Variants in CBFA2T3 observed in about 807,000 individuals in gnomAD.
The protein encoded by CBFA2T3 is CBFA2/RUNX1 partner transcriptional co-repressor 3, also known as transcriptional corepressor CBFA2T3.
Under a neutral mutation model 58.6 loss-of-function variants are expected in CBFA2T3, and 31 were observed. The ratio of observed to expected loss-of-function variants is 0.53; its 90% confidence interval spans 0.40 to 0.71. The LOEUF (loss-of-function observed/expected upper bound fraction) is 0.71. Among genes scored for constraint, CBFA2T3 ranks in the 30% least tolerant of loss-of-function variants. CBFA2T3 has a pLI of 0.00. For missense variants in CBFA2T3, 1,076 were observed against 963.1 expected (o/e 1.12, Z -1.55); for synonymous variants, 531 against 421.9 (o/e 1.26, Z -3.17).
In CBFA2T3 at chr16:88,917,115, A is replaced by G. The variant is rs542502174; in HGVS notation, c.152-15459T>C. On this transcript the variant is annotated intron_variant, in intron 1 of 11. Coordinates refer to ENST00000268679, the MANE Select transcript of CBFA2T3 (RefSeq NM_005187.6). ...AAAAAGAAAAAAGAAAAAGGAAAAA[A>G]GAGAAGAACTGGTGGAATCTGAGAT... is the stretch of plus-strand genomic sequence containing the variant. 4.6e-3 allele frequency among the ~76,000 whole-genome samples: 695 copies of G among 152,118 alleles called. 2 individuals are homozygous for G. Among genetic ancestry groups the G allele is most frequent in the African/African-American group, 0.016 (668 of 41,488 alleles).
In CBFA2T3 at chr16:88,875,822, A is replaced by G; in HGVS notation, c.*1154T>C. The G allele has an allele frequency of 4.3e-6, 1 of 233,444 alleles. No individual in the cohort carries two copies. Among genetic ancestry groups the G allele is most frequent in the Non-Finnish European group, 8.5e-6 (1 of 117,974 alleles). The allele number at this position is 233,444 out of a possible 1,614,324, so 14.5% of individuals were successfully genotyped here. The stretch of plus-strand genomic sequence containing the variant: ...GAAAACTTTAGCACTTTTTTTCCAC[A>G]AGTGGAAAACGGAAATATGAAAAGT... On this transcript the variant is annotated 3_prime_UTR_variant, in exon 12 of 12. Coordinates refer to ENST00000268679, the MANE Select transcript of CBFA2T3 (RefSeq NM_005187.6).
Position 88,881,156 on chromosome 16 carries a change from G to A in CBFA2T3, c.1402+135C>T, listed in dbSNP as rs546868830. 5.0e-5 allele frequency: 42 copies of A among 842,038 alleles called. No homozygotes were observed. The East Asian group carries it at 6.5e-4, about 13-fold the overall frequency. 52.2% of individuals were successfully genotyped at this position (842,038 alleles called of 1,614,324 possible). A position where few individuals can be genotyped will look rare whatever the true frequency, so the allele number is the denominator to read the frequency against. On this transcript the variant is annotated intron_variant, in intron 9 of 11. Coordinates refer to ENST00000268679, the MANE Select transcript of CBFA2T3 (RefSeq NM_005187.6). ...AGACCAGCCCGTGTTTTCCTACAAA[G>A]TGAAAAAGGTGCCTCTTTCTCAAGC...
chr16:88,943,913 G>A (rs561851894), intron 1 of CBFA2T3, among the ~76,000 whole-genome samples: 4 of 152,316 alleles, frequency 2.6e-5, no homozygotes, highest in South Asian at 2.1e-4. Context: ...GACCACGGGC[G>A]AGCAGGACCT....
intron 1 of CBFA2T3, among the ~76,000 whole-genome samples, chr16:88,911,017 A>G (rs1222033522): frequency 1.3e-5 from 2 of 152,200 alleles, no homozygotes; most frequent in Non-Finnish European, 2.9e-5. Context: ...TGCCTGGCGA[A>G]TAAGCAGCCA....
chr16:88,901,963 G>C (rs1386126158), intron 1 of CBFA2T3, among the ~76,000 whole-genome samples: 3 of 152,232 alleles, frequency 2.0e-5, no homozygotes, highest in African/African-American at 7.2e-5. Flanking sequence ...ACAGACCAGG[G>C]AGTGGGCAGT....
At chr16:88,928,968 G>T (rs1291761168) in intron 1 of CBFA2T3, among the ~76,000 whole-genome samples, 1 of 152,226 alleles carries the variant, frequency 6.6e-6, no homozygotes, top group Admixed American at 6.5e-5. Flanking sequence ...CAGAGTGGGT[G>T]GTGGAAGGGA....
intron 1 of CBFA2T3, among the ~76,000 whole-genome samples, chr16:88,948,534 G>A (rs1971965055): frequency 6.6e-6 from 1 of 152,238 alleles, no homozygotes; most frequent in Non-Finnish European, 1.5e-5. Context: ...CGGAGGCAGG[G>A]AGGAACCCTA....
At chr16:88,923,581 C>T (rs1037379342) in intron 1 of CBFA2T3, among the ~76,000 whole-genome samples, 4 of 152,196 alleles carry the variant, frequency 2.6e-5, no homozygotes, top group African/African-American at 9.6e-5. Flanking sequence ...GAGGGGGCAG[C>T]TGGGGAGCAG....
chr16:88,886,316 A>T, intron 5 of CBFA2T3, 174 bp from the exon 6 acceptor site: 757 of 221,898 alleles, frequency 3.4e-3, no homozygotes, highest in Middle Eastern at 0.01. Context: ...GTGCCATGGG[A>T]GGGTGGCGTG....
chr16:88,887,674 CG>C (rs1253255091), intron 5 of CBFA2T3, among the ~76,000 whole-genome samples: 1 of 152,148 alleles, frequency 6.6e-6, no homozygotes, highest in African/African-American at 2.4e-5. Flanking sequence ...TGGGAACCTC[CG>C]GCAGTGCCTC....
At chr16:88,947,816 A>T (rs1426765524) in intron 1 of CBFA2T3, among the ~76,000 whole-genome samples, 2 of 152,234 alleles carry the variant, frequency 1.3e-5, no homozygotes, top group African/African-American at 4.8e-5. Context: ...CAGGGGGCTG[A>T]GGCAGTGGGA....
intron 1 of CBFA2T3, among the ~76,000 whole-genome samples, chr16:88,947,416 C>T (rs1331673480): frequency 2.0e-5 from 3 of 152,306 alleles, no homozygotes; most frequent in South Asian, 2.1e-4. Flanking sequence ...TCTACCCAGC[C>T]GATTTTTATC....
At chr16:88,925,088 C>T (rs552170027) in intron 1 of CBFA2T3, among the ~76,000 whole-genome samples, 312 of 152,352 alleles carry the variant, frequency 2.0e-3, no homozygotes, top group Middle Eastern at 0.01. Flanking sequence ...GGGACCCGCC[C>T]GGAATCACAC....
chr16:88,895,650 C>T (rs1030031714), intron 3 of CBFA2T3, among the ~76,000 whole-genome samples: 5 of 152,166 alleles, frequency 3.3e-5, no homozygotes, highest in African/African-American at 9.7e-5. Context: ...CTGCCTCCCC[C>T]GGGGCCCAGC....
chr16:88,896,179 T>C (rs947335188), intron 3 of CBFA2T3, among the ~76,000 whole-genome samples: 1 of 152,134 alleles, frequency 6.6e-6, no homozygotes, highest in Admixed American at 6.5e-5. Flanking sequence ...AGGTCAGATA[T>C]GGCACAAAAC....
At chr16:88,887,500 C>T (rs1267283932) in intron 5 of CBFA2T3, among the ~76,000 whole-genome samples, 1 of 152,130 alleles carries the variant, frequency 6.6e-6, no homozygotes, top group African/African-American at 2.4e-5. Context: ...GGCTGCATCC[C>T]CCAGCTTCTG....
At chr16:88,964,865 C>A (rs1972455583) in intron 1 of CBFA2T3, among the ~76,000 whole-genome samples, 1 of 151,196 alleles carries the variant, frequency 6.6e-6, no homozygotes, top group Non-Finnish European at 1.5e-5. Flanking sequence ...CACCCACCAT[C>A]TATCCAACTG....
rs199904105 is a variant in CBFA2T3 at position 88,953,496 on chromosome 16, C to CCTCAAAAT, written c.151+23160_151+23161insATTTTGAG. 1.3e-5 allele frequency among the ~76,000 whole-genome samples: 2 copies of CCTCAAAAT among 152,174 alleles called. No homozygotes were observed. Among genetic ancestry groups the CCTCAAAAT allele is most frequent in the Admixed American group, 6.5e-5 (1 of 15,284 alleles). ...CCCTCAAAATGGTCCCCACAGCTGC[C>CCTCAAAAT]GCCCACTCTTGGGACCCTGAGTGTG... On this transcript the variant is annotated intron_variant, in intron 1 of 11. Transcript: ENST00000268679. This position sits in a 1 kb window ranked among gnomAD's most constrained non-coding sequence, Gnocchi z 4.9.
chr16:88,904,908 G>A (rs1244246462), intron 1 of CBFA2T3, among the ~76,000 whole-genome samples: 1 of 152,210 alleles, frequency 6.6e-6, no homozygotes, highest in Non-Finnish European at 1.5e-5. Flanking sequence ...CCCACGCCCT[G>A]CCTTGGCAAG....
Sources: gnomAD v4.1 joint callset for allele counts (sites outside exome capture counted in the v4.1 genomes callset) on GRCh38, gnomAD v4.1.1 for gene constraint, Gnocchi (gnomAD v3.1) non-coding constraint, MANE v1.5 for transcripts, NCBI Gene and HGNC (gene_info 2026-07-23, HGNC 2026-07-21) for gene names.